Variants in TBC1D22A observed in about 807,000 individuals in gnomAD.
TBC1D22A encodes the protein TBC1 domain family member 22A, also known as putative GTPase activator.
Under a neutral mutation model 60.2 loss-of-function variants are expected in TBC1D22A, and 38 were observed. That is an observed-to-expected ratio of 0.63 (90% CI 0.49 to 0.83). TBC1D22A has a LOEUF of 0.83. Among genes scored for constraint, TBC1D22A ranks in the 40% least tolerant of loss-of-function variants. TBC1D22A has a pLI of 0.00. For synonymous variants in TBC1D22A, 302 were observed against 281.7 expected, an observed-to-expected ratio of 1.07 and a Z score of -0.72; for missense variants, 628 against 701.0, an observed-to-expected ratio of 0.90 and a Z score of 1.18.
intron 9 of TBC1D22A, among the ~76,000 whole-genome samples, chr22:46,991,447 G>A (rs574369793): frequency 1.4e-4 from 22 of 152,276 alleles, no homozygotes; most frequent in South Asian, 8.3e-4. Context: ...AGTGCCAGCC[G>A]GGAACCAATC....
chr22:46,816,829 G>A (rs1306080850), intron 4 of TBC1D22A, among the ~76,000 whole-genome samples: 3 of 152,158 alleles, frequency 2.0e-5, no homozygotes, highest in Non-Finnish European at 2.9e-5. Flanking sequence ...TACAGGAAGC[G>A]GGTAGAGCTT....
At chr22:46,820,360 T>C (rs1040371465) in intron 4 of TBC1D22A, among the ~76,000 whole-genome samples, 3 of 152,246 alleles carry the variant, frequency 2.0e-5, no homozygotes, top group Non-Finnish European at 2.9e-5. Flanking sequence ...GGCTTTCTAA[T>C]GTGGGCATTT....
chr22:46,907,152 GTTC>G (rs199802514), intron 7 of TBC1D22A, among the ~76,000 whole-genome samples: 2,036 of 152,202 alleles, frequency 0.013, 45 homozygotes, highest in African/African-American at 0.046. Context: ...GTGTGCGTGT[GTTC>G]TTCTCCGTGT....
chr22:47,149,072 G>T (rs1027574928), intron 12 of TBC1D22A, among the ~76,000 whole-genome samples: 2 of 152,194 alleles, frequency 1.3e-5, no homozygotes, highest in African/African-American at 4.8e-5. Context: ...GGGAGTGGAG[G>T]AAGGAAGCTG....
Position 47,154,935 on chromosome 22 carries a change from G to A in TBC1D22A, c.1426-18563G>A, listed in dbSNP as rs150027264. On this transcript the variant is annotated intron_variant, in intron 12 of 12. Transcript: ENST00000337137. ...CTGAGGGTGCCTCCTCTAGAAGTGG[G>A]CGTCCTTCCCTGCTGCCCGCTGGGC... Among the ~76,000 whole-genome samples, 277 of 152,314 alleles carry A rather than the reference G, an allele frequency of 1.8e-3. 1 individual carries two copies. The highest frequency in any genetic ancestry group is 3.4e-3 in the Middle Eastern group (1 of 294).
At chr22:46,906,294 T>G (rs935561009) in intron 7 of TBC1D22A, among the ~76,000 whole-genome samples, 1 of 151,956 alleles carries the variant, frequency 6.6e-6, no homozygotes, top group African/African-American at 2.4e-5. Context: ...TTTAGATCCA[T>G]AATTACATGG....
chr22:46,954,564 G>A (rs1036220946), intron 8 of TBC1D22A, among the ~76,000 whole-genome samples: 10 of 152,124 alleles, frequency 6.6e-5, no homozygotes, highest in Non-Finnish European at 7.3e-5. Context: ...CCCTCATGAC[G>A]TCACTATGTC....
chr22:46,808,862 G>C (rs1392311823), intron 4 of TBC1D22A, among the ~76,000 whole-genome samples: 1 of 152,190 alleles, frequency 6.6e-6, no homozygotes, highest in African/African-American at 2.4e-5. Flanking sequence ...CCAAAGTGCT[G>C]GGATTACAGG....
At position 46,990,232 on chromosome 22, in the gene TBC1D22A, T is replaced by A. The variant is rs145105783; in HGVS notation, c.1126-7402T>A. ...CTAATCTGTCCAACCTAATTATTTA[T>A]ACGGTTGGGGTTTAGGTTGCCATTT... On this transcript the variant is annotated intron_variant, in intron 9 of 12. Coordinates refer to ENST00000337137, the MANE Select transcript of TBC1D22A (RefSeq NM_014346.5). This position sits in a 1 kb window ranked among gnomAD's most constrained non-coding sequence, Gnocchi z 4.6. Among the ~76,000 whole-genome samples, 106 of 152,406 alleles carry A rather than the reference T, an allele frequency of 7.0e-4. No homozygotes were observed. Among genetic ancestry groups the A allele is most frequent in the African/African-American group, 2.5e-3 (103 of 41,602 alleles).
intron 4 of TBC1D22A, among the ~76,000 whole-genome samples, chr22:46,839,368 C>A (rs148857267): frequency 2.8e-3 from 425 of 149,354 alleles, no homozygotes; most frequent in African/African-American, 9.4e-3. Context: ...AGTGCAGTGG[C>A]GTGATCTCGG....
At chr22:46,847,136 C>T (rs1377694401) in intron 4 of TBC1D22A, among the ~76,000 whole-genome samples, 1 of 152,190 alleles carries the variant, frequency 6.6e-6, no homozygotes, top group Non-Finnish European at 1.5e-5. Context: ...CTGCGGTGAC[C>T]TCTCCCTCAT....
intron 11 of TBC1D22A, among the ~76,000 whole-genome samples, chr22:47,056,041 C>T (rs919289601): frequency 6.7e-6 from 1 of 149,526 alleles, no homozygotes; most frequent in Non-Finnish European, 1.5e-5. Flanking sequence ...CATCAGGCTT[C>T]ATTACTTGCT....
chr22:47,091,615 G>A (rs1454476051), intron 11 of TBC1D22A, among the ~76,000 whole-genome samples: 4 of 152,130 alleles, frequency 2.6e-5, no homozygotes, highest in Non-Finnish European at 4.4e-5. Context: ...CTTTCGGGGA[G>A]TGGCCTCGCT....
At position 47,049,402 on chromosome 22, in the gene TBC1D22A, G is replaced by A. The variant is rs116799082; in HGVS notation, c.1329+12204G>A. Among the ~76,000 whole-genome samples the A allele has an allele frequency of 6.0e-3, 916 of 152,352 alleles. 10 individuals are homozygous for A. The highest frequency in any genetic ancestry group is 0.021 in the African/African-American group (871 of 41,578). ...GGGCAGCGGGACCTTTGCACAGATG[G>A]CGCTGCTCTGAGTAAACCTGCAGGT... On this transcript the variant is annotated intron_variant, in intron 11 of 12. Transcript: ENST00000337137.
At chr22:47,124,773 G>A (rs1057335566) in intron 12 of TBC1D22A, among the ~76,000 whole-genome samples, 4 of 152,130 alleles carry the variant, frequency 2.6e-5, no homozygotes, top group Non-Finnish European at 5.9e-5. Context: ...GCCCGCGGGG[G>A]AAGCAGGTGA....
In TBC1D22A at chr22:46,762,675, T is replaced by C. The variant is rs970910213; in HGVS notation, c.-112T>C. The C allele has an allele frequency of 7.8e-6, 7 of 902,066 alleles. No individual in the cohort carries two copies. The highest frequency in any genetic ancestry group is 1.1e-5 in the Non-Finnish European group (7 of 644,038). 55.9% of individuals were successfully genotyped at this position (902,066 alleles called of 1,614,324 possible). Reference sequence around the variant, plus strand: ...GGAAGAGCTTCTCGGCTCTAGGCTCTGGAGTCCCGGGAGCAGTGAGGGGCC... The same window carrying C: ...GGAAGAGCTTCTCGGCTCTAGGCTCCGGAGTCCCGGGAGCAGTGAGGGGCC... On this transcript the variant is annotated 5_prime_UTR_variant, in exon 1 of 13. Transcript: ENST00000337137.
intron 7 of TBC1D22A, among the ~76,000 whole-genome samples, chr22:46,906,830 G>T (rs910570976): frequency 1.4e-4 from 18 of 129,780 alleles, no homozygotes; most frequent in African/African-American, 5.7e-4. Flanking sequence ...GTGCATGTGT[G>T]TGTGTTCTTT....
intron 8 of TBC1D22A, among the ~76,000 whole-genome samples, chr22:46,928,322 A>T (rs926648320): frequency 2.6e-5 from 4 of 152,252 alleles, no homozygotes; most frequent in African/African-American, 7.2e-5. Context: ...GAATTCAATG[A>T]GGAAATTTAT....
chr22:46,792,050 C>T (rs1028373243), intron 1 of TBC1D22A, among the ~76,000 whole-genome samples: 4 of 152,198 alleles, frequency 2.6e-5, no homozygotes, highest in East Asian at 3.8e-4. Flanking sequence ...CGTGAGCTAC[C>T]GTGCCAAGCC....
Sources: gnomAD v4.1 joint callset for allele counts (sites outside exome capture counted in the v4.1 genomes callset) on GRCh38, gnomAD v4.1.1 for gene constraint, Gnocchi (gnomAD v3.1) non-coding constraint, MANE v1.5 for transcripts, NCBI Gene and HGNC (gene_info 2026-07-23, HGNC 2026-07-21) for gene names.